SLC28A1: variants seen among roughly 807,000 people sequenced by gnomAD.
The protein encoded by SLC28A1 is solute carrier family 28 member 1.
In SLC28A1, 64 loss-of-function variants were observed where a neutral mutation model predicts 74.8. The observed-to-expected ratio is 0.86, with a 90% CI of 0.70 to 1.05. The LOEUF (loss-of-function observed/expected upper bound fraction) is 1.05, where lower values mean the gene tolerates loss of function less well. Ranked by LOEUF, SLC28A1 falls within the 50% of genes least tolerant of loss-of-function variation. The probability of loss-of-function intolerance (pLI) is 0.00; values close to 1 mark genes in which losing one functional copy is unlikely to be tolerated. For synonymous variants in SLC28A1, 359 were observed against 335.0 expected (o/e 1.07, Z -0.78); for missense variants, 828 against 822.8 (o/e 1.01, Z -0.08).
At chr15:84,903,758 T>A (rs1257205186) in intron 6 of SLC28A1, among the ~76,000 whole-genome samples, 2 of 152,204 alleles carry the variant, frequency 1.3e-5, no homozygotes, top group Non-Finnish European at 2.9e-5. Context: ...GAGATTCCTG[T>A]AGCTGGATGG....
Position 84,912,847 on chromosome 15 carries a change from C to CACACACACAA in SLC28A1, c.795+4053_795+4054insCACACACAAA, listed in dbSNP as rs60379618. 3.1e-3 allele frequency among the ~76,000 whole-genome samples: 404 copies of CACACACACAA among 131,070 alleles called. 2 individuals carry two copies. Among genetic ancestry groups the CACACACACAA allele is most frequent in the African/African-American group, 6.2e-3 (234 of 37,996 alleles). The allele number at this position is 131,070 out of a possible 152,430, so 86.0% of individuals were successfully genotyped here. On this transcript the variant is annotated intron_variant, in intron 9 of 18. Transcript: ENST00000394573. ...ACACACACACACACACACACACACA[C>CACACACACAA]AGATCAAATAAGGACCAAAAGGTAT...
At chr15:84,913,633 A>G (rs1968668090) in intron 9 of SLC28A1, among the ~76,000 whole-genome samples, 1 of 152,216 alleles carries the variant, frequency 6.6e-6, no homozygotes, top group African/African-American at 2.4e-5. Flanking sequence ...ACTGGCCTAG[A>G]AGAGCTAGAA....
chr15:84,969,463 C>T, the SLC28A1 span, among the ~76,000 whole-genome samples: 1 of 152,166 alleles, frequency 6.6e-6, no homozygotes, highest in Non-Finnish European at 1.5e-5. Flanking sequence ...GCTGGGTTGT[C>T]CACAGATGCT....
At chr15:84,885,999 G>C (rs1053191829) in intron 1 of SLC28A1, 22 of 311,924 alleles carry the variant, frequency 7.1e-5, no homozygotes, top group South Asian at 1.2e-4. Flanking sequence ...ATGCATCATA[G>C]AGGATTTTGT....
intron 9 of SLC28A1, among the ~76,000 whole-genome samples, chr15:84,915,100 C>T (rs889117979): frequency 2.0e-5 from 3 of 152,182 alleles, no homozygotes; most frequent in African/African-American, 7.2e-5. Context: ...CTAGACAGTA[C>T]GTGACTCTCT....
At position 84,903,829 on chromosome 15, in the gene SLC28A1, A is replaced by G. The variant is rs11634491; in HGVS notation, c.462-268A>G. Among the ~76,000 whole-genome samples, 55,211 of 151,968 alleles carry G rather than the reference A, an allele frequency of 0.36. 10,707 individuals are homozygous for G. The highest frequency in any genetic ancestry group is 0.57 in the South Asian group (2,762 of 4,822). ...TATATCCCCTTATATAATCCTCTCA[A>G]CAACCTTGAGAAATGAGGGGTCTCT... On this transcript the variant is annotated intron_variant, in intron 6 of 18. Coordinates refer to ENST00000394573, the MANE Select transcript of SLC28A1 (RefSeq NM_004213.5).
rs1964734588 is a variant in SLC28A1, at chr15:84,887,552, A to C, written c.-16-193A>C. On this transcript the variant is annotated intron_variant, in intron 2 of 18. Coordinates refer to ENST00000394573, the MANE Select transcript of SLC28A1 (RefSeq NM_004213.5). ...GAAGAGGTACCTCCTCCATGTGCTG[A>C]GAAGTCAAGGTTGCAGTCCCAGTCA... 3.0e-6 allele frequency: 3 copies of C among 985,264 alleles called. No individual in the cohort carries two copies. The Admixed American group carries it at 1.8e-4, about 61-fold the overall frequency. 61.0% of individuals were successfully genotyped at this position (985,264 alleles called of 1,614,324 possible). A position where few individuals can be genotyped will look rare whatever the true frequency, so the allele number is the denominator to read the frequency against.
chr15:84,923,970 C>A lies in SLC28A1; in HGVS notation c.958-15C>A. 1.2e-6 allele frequency: 2 copies of A among 1,614,060 alleles called. No individual in the cohort carries two copies. The highest frequency in any genetic ancestry group is 1.7e-6 in the Non-Finnish European group (2 of 1,180,016). ...CACCCCCACCCTGCTTGTCTGACATCTTTCCTGTTTGCAGACCGAGGCTCC... is the reference window on the plus strand; with the variant it reads ...CACCCCCACCCTGCTTGTCTGACATATTTCCTGTTTGCAGACCGAGGCTCC... On this transcript the variant is annotated splice_polypyrimidine_tract_variant and intron_variant, in intron 11 of 18. Transcript: ENST00000394573.
the SLC28A1 span, among the ~76,000 whole-genome samples, chr15:84,967,374 C>T: frequency 6.6e-6 from 1 of 152,170 alleles, no homozygotes; most frequent in Non-Finnish European, 1.5e-5. Context: ...TTCCTGCTCT[C>T]GCTTCTTTTA....
At chr15:84,917,567 C>T (rs36057516) in intron 9 of SLC28A1, among the ~76,000 whole-genome samples, 17,408 of 152,180 alleles carry the variant, frequency 0.11, 1,324 homozygotes, top group Non-Finnish European at 0.15. Flanking sequence ...TGCCATCATG[C>T]ATGGCTACCC....
At chr15:84,933,103 C>T in intron 12 of SLC28A1, 42 bp from the exon 13 acceptor site, 1 of 1,609,576 alleles carries the variant, frequency 6.2e-7, no homozygotes, top group East Asian at 2.2e-5. Context: ...GCCAGCATTT[C>T]TTCTGACTGT....
the SLC28A1 span, among the ~76,000 whole-genome samples, chr15:84,964,483 T>C: frequency 6.6e-6 from 1 of 152,312 alleles, no homozygotes; most frequent in East Asian, 1.9e-4. Flanking sequence ...ATGATTGACA[T>C]TACCCAATAT....
chr15:84,966,788 C>T, the SLC28A1 span, among the ~76,000 whole-genome samples: 1 of 152,090 alleles, frequency 6.6e-6, no homozygotes, highest in Admixed American at 6.5e-5. Context: ...AAGACCTGCC[C>T]CATGATTCAA....
chr15:84,890,388 TC>T, intron 4 of SLC28A1, 54 bp from the exon 5 acceptor site: 3 of 1,286,470 alleles, frequency 2.3e-6, no homozygotes, highest in Non-Finnish European at 1.1e-6. Context: ...GCTGAGGATC[TC>T]CCCCAGATGG....
chr15:84,945,953 A>G (rs2079188002), downstream of SLC28A1, among the ~76,000 whole-genome samples: 1 of 149,980 alleles, frequency 6.7e-6, no homozygotes, highest in Admixed American at 6.7e-5. Flanking sequence ...TCAACCTCTC[A>G]GGCTCAAGTG....
At chr15:84,909,509 G>A (rs772472736) in intron 9 of SLC28A1, among the ~76,000 whole-genome samples, 16 of 152,246 alleles carry the variant, frequency 1.1e-4, no homozygotes, top group East Asian at 1.9e-4. Flanking sequence ...CAGCCTGTGC[G>A]GAGGATGAGG....
intron 15 of SLC28A1, among the ~76,000 whole-genome samples, chr15:84,938,846 A>C (rs1381005821): frequency 1.3e-5 from 2 of 152,194 alleles, no homozygotes; most frequent in Non-Finnish European, 2.9e-5. Flanking sequence ...TGGAGAACGG[A>C]TGAGCTAGGA....
chr15:84,973,045 G>A, the SLC28A1 span, among the ~76,000 whole-genome samples: 2 of 149,938 alleles, frequency 1.3e-5, no homozygotes, highest in African/African-American at 2.5e-5. Context: ...TCCTTGTCAT[G>A]GCTGACAAGG....
intron 8 of SLC28A1, among the ~76,000 whole-genome samples, chr15:84,908,437 G>T (rs983235654): frequency 1.3e-5 from 2 of 152,082 alleles, no homozygotes; most frequent in Admixed American, 1.3e-4. Context: ...GCCTGCCTCA[G>T]CCTCCCAAAG....
Sources: gnomAD v4.1 joint callset for allele counts (sites outside exome capture counted in the v4.1 genomes callset) on GRCh38, gnomAD v4.1.1 for gene constraint, MANE v1.5 for transcripts, NCBI Gene and HGNC (gene_info 2026-07-23, HGNC 2026-07-21) for gene names.